The following APOC1 variants were observed in gnomAD, a reference collection of about 807,000 sequenced individuals.
APOC1 encodes the protein apolipoprotein C-I.
Under a neutral mutation model 6.7 loss-of-function variants are expected in APOC1, and 4 were observed. The observed-to-expected ratio is 0.60, with a 90% confidence interval of 0.29 to 1.37. The LOEUF (loss-of-function observed/expected upper bound fraction) is 1.37. Among genes scored for constraint, APOC1 ranks in the 40% most tolerant of loss-of-function variants. The pLI is 0.09. For missense variants in APOC1, 122 were observed against 99.4 expected (o/e 1.23, Z -0.97); for synonymous variants, 33 against 40.6 (o/e 0.81, Z 0.72).
intron 2 of APOC1, among the ~76,000 whole-genome samples, chr19:44,915,637 T>C (rs1380143367): frequency 6.7e-6 from 1 of 149,878 alleles, no homozygotes; most frequent in Non-Finnish European, 1.5e-5. Flanking sequence ...CAAGGATCTC[T>C]ATCCATCCCG....
intron 3 of APOC1, among the ~76,000 whole-genome samples, chr19:44,918,182 G>C (rs1213381717): frequency 1.1e-4 from 15 of 142,352 alleles, no homozygotes; most frequent in Middle Eastern, 9.5e-3. Context: ...GCAGGAGAAT[G>C]GCTTGAACCT....
At chr19:44,916,968 TAAAA>T (rs753649749) in intron 3 of APOC1, among the ~76,000 whole-genome samples, 2 of 134,738 alleles carry the variant, frequency 1.5e-5, no homozygotes, top group Non-Finnish European at 3.2e-5. Context: ...TGTCTCCATT[TAAAA>T]AAAAAAAAAA....
At chr19:44,918,217 G>A (rs955228489) in intron 3 of APOC1, among the ~76,000 whole-genome samples, 12 of 151,270 alleles carry the variant, frequency 7.9e-5, no homozygotes, top group South Asian at 2.1e-4. Flanking sequence ...GCAGTGAGCC[G>A]AGACAGTGCC....
chr19:44,914,740 G>T lies in APOC1; in HGVS notation c.-21+7G>T, dbSNP rs1466596529. 4.3e-5 allele frequency: 31 copies of T among 721,924 alleles called. No individual in the cohort carries two copies. Among genetic ancestry groups the T allele is most frequent in the Non-Finnish European group, 6.8e-5 (29 of 423,472 alleles). The allele number at this position is 721,924 out of a possible 1,614,324, so 44.7% of individuals were successfully genotyped here. ...CCCTCCAGCAAGGATTCAGGTTGGT[G>T]CTGAGTGCCTGGGAGGGACACCCGC... On this transcript the variant is annotated splice_region_variant and intron_variant, in intron 1 of 3. Coordinates refer to ENST00000592535, the MANE Select transcript of APOC1 (RefSeq NM_001645.5).
intron 2 of APOC1, among the ~76,000 whole-genome samples, chr19:44,915,435 T>C (rs1969987403): frequency 6.7e-6 from 1 of 150,262 alleles, no homozygotes; most frequent in South Asian, 2.1e-4. Context: ...GCCATTCTCC[T>C]GCCTCAGCAG....
chr19:44,916,049 A>G, intron 2 of APOC1, 141 bp from the exon 3 acceptor site: 1 of 941,532 alleles, frequency 1.1e-6, no homozygotes. Context: ...AGGCAGGAGA[A>G]CTGCTTGAAC....
At chr19:44,918,380 G>C (rs1376833319) in intron 3 of APOC1, among the ~76,000 whole-genome samples, 1 of 34,576 alleles carries the variant, frequency 2.9e-5, no homozygotes, top group Non-Finnish European at 5.8e-5. Context: ...TTTTTTTTTT[G>C]AGACGGAGTC....
intron 3 of APOC1, among the ~76,000 whole-genome samples, chr19:44,918,669 G>T (rs112528434): frequency 0.023 from 3,444 of 146,754 alleles, 146 homozygotes; most frequent in African/African-American, 0.083. Flanking sequence ...GAGCCACGGC[G>T]CCCGGCCTTA....
At chr19:44,917,644 G>A (rs977599975) in intron 3 of APOC1, among the ~76,000 whole-genome samples, 1 of 151,082 alleles carries the variant, frequency 6.6e-6, no homozygotes, top group Non-Finnish European at 1.5e-5. Context: ...AGGAAGGAAG[G>A]GAGGGAGGGA....
chr19:44,915,048 G>T (rs1422266236), intron 2 of APOC1, 99 bp downstream of exon 2: 3 of 1,375,120 alleles, frequency 2.2e-6, no homozygotes, highest in African/African-American at 2.9e-5. Context: ...GAGAGCTCCG[G>T]GGCCCCTTCT....
intron 3 of APOC1, among the ~76,000 whole-genome samples, chr19:44,918,009 G>A (rs746325523): frequency 3.4e-4 from 52 of 151,690 alleles, no homozygotes; most frequent in Non-Finnish European, 6.0e-4. Context: ...GGTGGCTCAC[G>A]CCAGTAATCC....
Position 44,917,267 on chromosome 19 carries a change from T to G in APOC1, c.194+942T>G, listed in dbSNP as rs960874349. Among the ~76,000 whole-genome samples the G allele has an allele frequency of 2.3e-4, 35 of 152,168 alleles. No individual in the cohort carries two copies. The South Asian group carries it at 3.3e-3, about 14-fold the overall frequency. ...TCAAAAATATTTACTGAGCATCTGC[T>G]AAGTGCTGGAAACTGTTTCAATGTG... is the stretch of plus-strand genomic sequence containing the variant. On this transcript the variant is annotated intron_variant, in intron 3 of 3. Transcript: ENST00000592535.
chr19:44,916,718 G>A (rs1970015451), intron 3 of APOC1, among the ~76,000 whole-genome samples: 1 of 150,344 alleles, frequency 6.7e-6, no homozygotes, highest in Non-Finnish European at 1.5e-5. Context: ...TAGTCGGGAG[G>A]CTGAGGCAGG....
Position 44,915,631 on chromosome 19 carries a change from G to A in APOC1, c.59-559G>A, listed in dbSNP as rs1006305308. On this transcript the variant is annotated intron_variant, in intron 2 of 3. Coordinates refer to ENST00000592535, the MANE Select transcript of APOC1 (RefSeq NM_001645.5). The stretch of plus-strand genomic sequence containing the variant: ...CCATTCTAACCACATGATCCCCAAG[G>A]ATCTCTATCCATCCCGGTATCCCAA... Among the ~76,000 whole-genome samples the A allele has an allele frequency of 2.0e-5, 3 of 150,484 alleles. No individual in the cohort carries two copies. In the South Asian group the frequency reaches 6.4e-4, roughly 32 times the overall value.
At chr19:44,916,809 CAAAAAAAAAAA>C (rs1160183813) in intron 3 of APOC1, among the ~76,000 whole-genome samples, 4,662 of 46,396 alleles carry the variant, frequency 0.1, 132 homozygotes, top group Admixed American at 0.13. Flanking sequence ...GACTCTGTCT[CAAAAAAAAAAA>C]AAAAAAAAAA....
chr19:44,914,563 C>G (rs1456201968), upstream of APOC1: 7 of 328,714 alleles, frequency 2.1e-5, no homozygotes, highest in Admixed American at 2.0e-4. Context: ...CCAACGCTCA[C>G]GGGACAGGGG....
chr19:44,918,401 AC>A (rs1335046281), intron 3 of APOC1, among the ~76,000 whole-genome samples: 1 of 116,756 alleles, frequency 8.6e-6, no homozygotes, highest in African/African-American at 3.4e-5. Flanking sequence ...TCGCTCTGTC[AC>A]CCAGGCTGGA....
At position 44,919,282 on chromosome 19, in the gene APOC1, A is replaced by T; in HGVS notation, c.*52A>T. The T allele has an allele frequency of 6.5e-7, 1 of 1,544,496 alleles. No homozygotes were observed. The highest frequency in any genetic ancestry group is 9.0e-7 in the Non-Finnish European group (1 of 1,117,162). ...GGGCCTCTGAAATTTCCCACACCCC[A>T]GCGCCTGTGCTGAGGACTCCCTCCA... is the stretch of plus-strand genomic sequence containing the variant. On this transcript the variant is annotated 3_prime_UTR_variant, in exon 4 of 4. Transcript: ENST00000592535.
In APOC1 at chr19:44,919,284, C is replaced by T. The variant is rs1193596748; in HGVS notation, c.*54C>T. Reference sequence around the variant, plus strand: ...GCCTCTGAAATTTCCCACACCCCAGCGCCTGTGCTGAGGACTCCCTCCATG... The same window carrying T: ...GCCTCTGAAATTTCCCACACCCCAGTGCCTGTGCTGAGGACTCCCTCCATG... On this transcript the variant is annotated 3_prime_UTR_variant, in exon 4 of 4. Transcript: ENST00000592535. 4.6e-6 allele frequency: 7 copies of T among 1,533,958 alleles called. No individual in the cohort carries two copies. Among genetic ancestry groups the T allele is most frequent in the East Asian group, 2.2e-5 (1 of 44,500 alleles).
Sources: gnomAD v4.1 joint callset for allele counts (sites outside exome capture counted in the v4.1 genomes callset) on GRCh38, gnomAD v4.1.1 for gene constraint, MANE v1.5 for transcripts, NCBI Gene and HGNC (gene_info 2026-07-23, HGNC 2026-07-21) for gene names.